Variants in NWD2 observed in about 807,000 individuals in gnomAD.
The protein encoded by NWD2 is NACHT and WD repeat domain-containing protein 2.
A neutral mutation model predicts 132.7 loss-of-function variants in NWD2; 37 were observed. The ratio of observed to expected loss-of-function variants is 0.28; its 90% confidence interval spans 0.21 to 0.37. The LOEUF (loss-of-function observed/expected upper bound fraction) is 0.37, where lower values mean the gene tolerates loss of function less well. NWD2 is among the 10% of genes least tolerant of loss of function. NWD2 has a pLI of 1.00. For synonymous variants in NWD2, 705 were observed against 803.0 expected (o/e 0.88, Z 2.06); for missense variants, 1,592 against 2,122.4 (o/e 0.75, Z 4.91).
intron 1 of NWD2, among the ~76,000 whole-genome samples, chr4:37,284,765 G>A (rs1378337723): frequency 6.6e-6 from 1 of 152,174 alleles, no homozygotes; most frequent in East Asian, 1.9e-4. Context: ...GATAGCCCTT[G>A]TAGTTGACTT....
At chr4:37,322,192 G>C (rs923675624) in intron 1 of NWD2, among the ~76,000 whole-genome samples, 1 of 152,138 alleles carries the variant, frequency 6.6e-6, no homozygotes, top group African/African-American at 2.4e-5. Flanking sequence ...ATGCAGCCAT[G>C]AGTGAGACAA....
In NWD2 at chr4:37,245,012, G is replaced by T. The variant is rs905571741; in HGVS notation, c.-56G>T. On this transcript the variant is annotated 5_prime_UTR_variant, in exon 1 of 7. Transcript: ENST00000309447. ...AGCCGTTCCGTGGAGCTGCGGGCAGGAACCCGAGGAGCAGGAGGTGGCGGC... is the reference window on the plus strand; with the variant it reads ...AGCCGTTCCGTGGAGCTGCGGGCAGTAACCCGAGGAGCAGGAGGTGGCGGC... 2.0e-6 allele frequency: 3 copies of T among 1,536,712 alleles called. No individual in the cohort carries two copies. Among genetic ancestry groups the T allele is most frequent in the Non-Finnish European group, 2.6e-6 (3 of 1,145,304 alleles).
chr4:37,276,552 G>T (rs541797021), intron 1 of NWD2, among the ~76,000 whole-genome samples: 3 of 152,074 alleles, frequency 2.0e-5, no homozygotes, highest in African/African-American at 7.2e-5. Flanking sequence ...CAGAGATCTA[G>T]AACTAGAAAT....
At chr4:37,410,061 T>C (rs1035806770) in intron 3 of NWD2, among the ~76,000 whole-genome samples, 1 of 152,080 alleles carries the variant, frequency 6.6e-6, no homozygotes, top group Non-Finnish European at 1.5e-5. Flanking sequence ...CATACCAAAT[T>C]GTAAAGAACA....
chr4:37,279,000 T>C (rs1718078386), intron 1 of NWD2, among the ~76,000 whole-genome samples: 1 of 151,996 alleles, frequency 6.6e-6, no homozygotes. Flanking sequence ...AAGAATAATG[T>C]CCACAGAAGG....
intron 3 of NWD2, among the ~76,000 whole-genome samples, chr4:37,429,567 C>G (rs1712114057): frequency 6.6e-6 from 1 of 151,968 alleles, no homozygotes; most frequent in Non-Finnish European, 1.5e-5. Context: ...CCACCCGCCT[C>G]AGCCTCCCAA....
chr4:37,267,120 ACTAGT>A (rs1406456897), intron 1 of NWD2, among the ~76,000 whole-genome samples: 1 of 151,998 alleles, frequency 6.6e-6, no homozygotes, highest in Non-Finnish European at 1.5e-5. Context: ...GAAACAGAAA[ACTAGT>A]CTAGGTACAA....
intron 2 of NWD2, among the ~76,000 whole-genome samples, chr4:37,343,856 A>G (rs553551350): frequency 2.0e-4 from 31 of 152,182 alleles, no homozygotes; most frequent in African/African-American, 7.2e-4. Context: ...TGATATTTAA[A>G]TAACAGTGTT....
At chr4:37,367,148 C>T (rs1002314166) in intron 3 of NWD2, among the ~76,000 whole-genome samples, 4 of 151,952 alleles carry the variant, frequency 2.6e-5, no homozygotes, top group African/African-American at 4.8e-5. Context: ...GCTCTGACCT[C>T]GGTGGAATTA....
chr4:37,352,184 G>A lies in NWD2; in HGVS notation c.241-4182G>A, dbSNP rs183557284. 5.2e-3 allele frequency among the ~76,000 whole-genome samples: 799 copies of A among 152,278 alleles called. 6 individuals carry two copies. The highest frequency in any genetic ancestry group is 7.8e-3 in the Non-Finnish European group (532 of 68,018). ...ATTTGGGGTGGAGAGTTCTGTAGGT[G>A]TCTATTAAGTCCCCTGTTCCAGAGC... On this transcript the variant is annotated intron_variant, in intron 2 of 6. Coordinates refer to ENST00000309447, the MANE Select transcript of NWD2 (RefSeq NM_001144990.2).
intron 1 of NWD2, among the ~76,000 whole-genome samples, chr4:37,249,225 G>C (rs1397699878): frequency 6.6e-6 from 1 of 152,228 alleles, no homozygotes; most frequent in Non-Finnish European, 1.5e-5. Context: ...CTTCATGTCA[G>C]TCAAGGTCAG....
intron 1 of NWD2, among the ~76,000 whole-genome samples, chr4:37,325,297 A>G (rs1006855410): frequency 6.6e-6 from 1 of 152,160 alleles, no homozygotes; most frequent in African/African-American, 2.4e-5. Flanking sequence ...ATGGTATGAC[A>G]TATGTAAAAT....
chr4:37,311,351 T>C (rs1319115504), intron 1 of NWD2, among the ~76,000 whole-genome samples: 3 of 152,086 alleles, frequency 2.0e-5, no homozygotes, highest in East Asian at 3.9e-4. Context: ...TGGTTTCTCA[T>C]TGTGGTTTTG....
At chr4:37,300,917 G>A (rs1318884569) in intron 1 of NWD2, among the ~76,000 whole-genome samples, 1 of 152,046 alleles carries the variant, frequency 6.6e-6, no homozygotes, top group Non-Finnish European at 1.5e-5. Context: ...ATTTTATGCA[G>A]CTAATACTTA....
At chr4:37,262,971 A>C (rs1717674722) in intron 1 of NWD2, among the ~76,000 whole-genome samples, 1 of 152,156 alleles carries the variant, frequency 6.6e-6, no homozygotes, top group Non-Finnish European at 1.5e-5. Context: ...AAATGAAGGC[A>C]ACAACCATTT....
intron 6 of NWD2, among the ~76,000 whole-genome samples, chr4:37,441,823 G>A (rs538606172): frequency 3.9e-5 from 6 of 152,272 alleles, no homozygotes; most frequent in African/African-American, 1.4e-4. Flanking sequence ...TCCCTTTGAG[G>A]ATGCAGATAG....
In NWD2 at chr4:37,375,584, T is replaced by TC. The variant is rs57061891; in HGVS notation, c.357+19104dup. ...GAATTCACTTTTTTTTTTTTTTTTT[T>TC]CCGAGACGGAGTCTGGCTCTGTCAC... On this transcript the variant is annotated intron_variant, in intron 3 of 6. Coordinates refer to ENST00000309447, the MANE Select transcript of NWD2 (RefSeq NM_001144990.2). 8.0e-5 allele frequency among the ~76,000 whole-genome samples: 12 copies of TC among 150,864 alleles called. No individual in the cohort carries two copies. In the South Asian group the frequency reaches 1.5e-3, roughly 19 times the overall value.
chr4:37,253,548 A>G (rs1187491110), intron 1 of NWD2, among the ~76,000 whole-genome samples: 1 of 152,166 alleles, frequency 6.6e-6, no homozygotes, highest in Admixed American at 6.5e-5. Flanking sequence ...TAAATGAGGT[A>G]AAGGGAGTCC....
intron 2 of NWD2, among the ~76,000 whole-genome samples, chr4:37,341,283 C>T (rs1337611079): frequency 6.6e-6 from 1 of 152,178 alleles, no homozygotes; most frequent in African/African-American, 2.4e-5. Context: ...CTAGGCTAAG[C>T]TATGATGTTC....
Sources: allele counts gnomAD v4.1 joint callset (sites outside exome capture counted in the v4.1 genomes callset), GRCh38; gene constraint gnomAD v4.1.1; transcripts MANE v1.5; gene names NCBI Gene and HGNC (gene_info 2026-07-23, HGNC 2026-07-21).